Variants in SYCE1 observed in about 807,000 individuals in gnomAD.
SYCE1 encodes synaptonemal complex central element protein 1.
In SYCE1, 37 loss-of-function variants were observed where a neutral mutation model predicts 55.1. The observed-to-expected ratio is 0.67, with a 90% confidence interval of 0.52 to 0.88. The LOEUF (loss-of-function observed/expected upper bound fraction) is 0.88. Among genes scored for constraint, SYCE1 ranks in the 40% least tolerant of loss-of-function variants. The pLI is 0.00. For missense variants in SYCE1, 399 were observed against 416.4 expected (o/e 0.96, Z 0.36); for synonymous variants, 163 against 159.4 (o/e 1.02, Z -0.17).
intron 5 of SYCE1, 48 bp downstream of exon 5, chr10:133,558,119 T>C (rs1160732506): frequency 1.9e-6 from 3 of 1,612,744 alleles, no homozygotes; most frequent in Non-Finnish European, 2.5e-6. Flanking sequence ...AGTGGGCTTC[T>C]GTGGGTTGGC....
intron 2 of SYCE1, chr10:133,559,636 T>C (rs190971708): frequency 4.3e-6 from 2 of 465,286 alleles, no homozygotes; most frequent in South Asian, 2.4e-5. Context: ...TCCTGAGATA[T>C]GGGAAGGGAC....
intron 8 of SYCE1, chr10:133,556,271 C>G: frequency 1.7e-6 from 1 of 597,506 alleles, no homozygotes; most frequent in Non-Finnish European, 3.0e-6. Flanking sequence ...AGTGGGGATG[C>G]TCATGGATTG....
intron 2 of SYCE1, 63 bp from the exon 3 acceptor site, chr10:133,559,423 G>T: frequency 6.6e-7 from 1 of 1,509,492 alleles, no homozygotes; most frequent in East Asian, 2.3e-5. Context: ...TGCCAGCCTT[G>T]TGTCTCTGCT....
chr10:133,559,118 G>A, intron 3 of SYCE1, 167 bp from the exon 4 acceptor site: 1 of 918,392 alleles, frequency 1.1e-6, no homozygotes, highest in South Asian at 1.7e-5. Context: ...GCAGGGCCAG[G>A]ATCATGGGCA....
chr10:133,564,059 C>T (rs1851872627), intron 1 of SYCE1, among the ~76,000 whole-genome samples: 1 of 147,498 alleles, frequency 6.8e-6, no homozygotes, highest in African/African-American at 2.5e-5. Flanking sequence ...TAGCTGGTCA[C>T]TATAGAATGT....
Position 133,555,834 on chromosome 10 carries a change from G to C in SYCE1, c.665C>G (p.Pro222Arg). 1 of 1,613,918 alleles carries C rather than the reference G, an allele frequency of 6.2e-7. No homozygotes were observed. Among genetic ancestry groups the C allele is most frequent in the Non-Finnish European group, 8.5e-7 (1 of 1,180,024 alleles). Residue 222 changes from proline (P) to arginine (R), a missense_variant, in exon 10 of 13, where the codon CCC (proline) becomes CGC (arginine). Transcript: ENST00000343131. ...QLCSLCGAEG[P>R]STLDEGLFLR... Reference sequence around the variant, plus strand: ...AAAGAGTCCCTCATCAAGGGTGGAGGGGCCCTCAGCCCCACACAGGGAGCA... The same window carrying C: ...AAAGAGTCCCTCATCAAGGGTGGAGCGGCCCTCAGCCCCACACAGGGAGCA...
chr10:133,567,812 T>G (rs765080208), upstream of SYCE1: 16 of 360,856 alleles, frequency 4.4e-5, no homozygotes, highest in Non-Finnish European at 8.9e-5. Context: ...GGCCACTGCC[T>G]TTTTGGCTGA....
At chr10:133,568,137 C>G, upstream of SYCE1, 1 of 833,310 alleles carries the variant, frequency 1.2e-6, no homozygotes, top group Non-Finnish European at 2.0e-6. Flanking sequence ...CCACCCAGCC[C>G]GACACAGAGG....
chr10:133,556,276 G>A (rs766162278), intron 8 of SYCE1: 9 of 594,440 alleles, frequency 1.5e-5, no homozygotes, highest in Non-Finnish European at 2.4e-5. Flanking sequence ...GGATGCTCAT[G>A]GATTGTTATT....
At chr10:133,568,224 G>T, upstream of SYCE1, 1 of 1,309,212 alleles carries the variant, frequency 7.6e-7, no homozygotes, top group Non-Finnish European at 1.1e-6. Flanking sequence ...TGTTGCCTCC[G>T]GGAACCCAGT....
intron 6 of SYCE1, chr10:133,557,391 TATC>T (rs1851711835): frequency 3.6e-6 from 2 of 551,518 alleles, no homozygotes; most frequent in African/African-American, 3.8e-5. Flanking sequence ...CACATCTTAG[TATC>T]ATCTCGTTTT....
downstream of SYCE1, chr10:133,554,451 TCAGATG>T: frequency 1.1e-6 from 1 of 876,124 alleles, no homozygotes; most frequent in South Asian, 1.4e-5. Context: ...GAAACATGTA[TCAGATG>T]CACATGACTT....
rs1343382649 is a variant in SYCE1 at position 133,565,522 on chromosome 10, C to A, written c.8G>T (p.Gly3Val). The A allele has an allele frequency of 6.5e-7, 1 of 1,549,972 alleles. No homozygotes were observed. Among genetic ancestry groups the A allele is most frequent in the Non-Finnish European group, 8.7e-7 (1 of 1,146,812 alleles). ...CTCGGCCTTCGATGTCAGGGACCTC[C>A]CCGCCATTTCCTCTCAGCTCGCCAG... MA[G>V]RSLTSKAEPT... Residue 3 changes from glycine (G) to valine (V), a missense_variant, in exon 1 of 13, where the codon GGG becomes GTG. By Grantham distance (109) the Gly-to-Val change is moderately radical. Transcript: ENST00000343131.
At chr10:133,557,431 CAGGGCCT>C (rs1336635911) in intron 6 of SYCE1, 7 of 515,106 alleles carry the variant, frequency 1.4e-5, no homozygotes, top group African/African-American at 1.3e-4. Flanking sequence ...CTCAGTGTGC[CAGGGCCT>C]GGGGCCTCTG....
chr10:133,556,922 G>T (rs1358262477), intron 7 of SYCE1, 100 bp from the exon 8 acceptor site: 5 of 1,527,224 alleles, frequency 3.3e-6, no homozygotes, highest in East Asian at 4.5e-5. Flanking sequence ...GGGGTGCTTT[G>T]CCCATGGTCT....
chr10:133,555,556 C>T, intron 11 of SYCE1, 41 bp downstream of exon 11: 2 of 1,602,328 alleles, frequency 1.2e-6, no homozygotes, highest in African/African-American at 1.3e-5. Flanking sequence ...CATCAGTCAT[C>T]TTCCTGGTGG....
chr10:133,562,490 AG>A (rs1851840106), intron 1 of SYCE1, among the ~76,000 whole-genome samples: 1 of 152,114 alleles, frequency 6.6e-6, no homozygotes, highest in Non-Finnish European at 1.5e-5. Flanking sequence ...AGTTTATAAT[AG>A]CCTGAGGTTC....
chr10:133,559,836 G>GC, intron 2 of SYCE1: 2 of 511,774 alleles, frequency 3.9e-6, no homozygotes, highest in Middle Eastern at 5.2e-4. Context: ...CTAATGGACT[G>GC]CAGTGGAGCC....
At chr10:133,554,188 C>T (rs540600529), downstream of SYCE1, 17 of 1,029,516 alleles carry the variant, frequency 1.7e-5, no homozygotes, top group South Asian at 2.4e-4. Flanking sequence ...TGATTAACTG[C>T]ATCTTAGAGA....
Sources: allele counts gnomAD v4.1 joint callset (sites outside exome capture counted in the v4.1 genomes callset), GRCh38; gene constraint gnomAD v4.1.1; transcripts MANE v1.5; gene names NCBI Gene and HGNC (gene_info 2026-07-23, HGNC 2026-07-21).